Variants in KCNIP4 observed in about 807,000 individuals in gnomAD.
KCNIP4 encodes potassium voltage-gated channel interacting protein 4.
Under a neutral mutation model 34.0 loss-of-function variants are expected in KCNIP4, and 12 were observed. The ratio of observed to expected loss-of-function variants is 0.35; its 90% CI spans 0.23 to 0.57. KCNIP4 has a LOEUF of 0.57. Ranked by LOEUF, KCNIP4 falls within the 20% of genes least tolerant of loss-of-function variation. The probability of loss-of-function intolerance (pLI) is 0.83; values close to 1 mark genes in which losing one functional copy is unlikely to be tolerated. For missense variants in KCNIP4, 238 were observed against 311.7 expected (o/e 0.76, Z 1.78); for synonymous variants, 124 against 102.2 (o/e 1.21, Z -1.29).
chr4:20,931,116 T>C (rs750304207), intron 1 of KCNIP4, among the ~76,000 whole-genome samples: 2 of 151,710 alleles, frequency 1.3e-5, no homozygotes, highest in Non-Finnish European at 2.9e-5. Flanking sequence ...TTCACAATAG[T>C]CAACATATGG....
At chr4:20,869,139 G>T (rs1723166091) in intron 2 of KCNIP4, among the ~76,000 whole-genome samples, 1 of 152,096 alleles carries the variant, frequency 6.6e-6, no homozygotes, top group Admixed American at 6.6e-5. Flanking sequence ...GATAAGCATA[G>T]TTATAATAAA....
At chr4:21,512,867 T>C (rs748442734) in intron 1 of KCNIP4, among the ~76,000 whole-genome samples, 8 of 152,244 alleles carry the variant, frequency 5.3e-5, no homozygotes, top group South Asian at 2.1e-4. Flanking sequence ...GTCCAGTTAA[T>C]TGCAGCAAAC....
chr4:20,995,065 A>G (rs1306790793), intron 1 of KCNIP4, among the ~76,000 whole-genome samples: 2 of 152,142 alleles, frequency 1.3e-5, no homozygotes, highest in African/African-American at 4.8e-5. Context: ...GTTTACCTAT[A>G]TTTACACTTT....
intron 1 of KCNIP4, among the ~76,000 whole-genome samples, chr4:21,801,414 A>T (rs989213950): frequency 6.6e-6 from 1 of 152,022 alleles, no homozygotes; most frequent in Non-Finnish European, 1.5e-5. Context: ...AGGGAAAGGG[A>T]GTTAGATTGG....
At chr4:21,620,600 C>T (rs768040246) in intron 1 of KCNIP4, among the ~76,000 whole-genome samples, 2 of 152,052 alleles carry the variant, frequency 1.3e-5, no homozygotes, top group Non-Finnish European at 2.9e-5. Flanking sequence ...ATCCTGTTAA[C>T]TGAATAGAAA....
chr4:21,469,957 T>G (rs1460997103), intron 1 of KCNIP4, among the ~76,000 whole-genome samples: 1 of 152,218 alleles, frequency 6.6e-6, no homozygotes, highest in East Asian at 1.9e-4. Flanking sequence ...TTTGGGATGT[T>G]CATAATTTGT....
At position 21,715,332 on chromosome 4, in the gene KCNIP4, G is replaced by A. The variant is rs998420063; in HGVS notation, c.61+233239C>T. Among the ~76,000 whole-genome samples, 14 of 151,832 alleles carry A rather than the reference G, an allele frequency of 9.2e-5. 1 individual carries two copies. The highest frequency in any genetic ancestry group is 5.3e-4 in the Admixed American group (8 of 15,226). ...TTTTTAGTAGACACGGGGTTTCACCGTGTTGGCCAGGATGGTCTTGCTCTC... is the reference window on the plus strand; with the variant it reads ...TTTTTAGTAGACACGGGGTTTCACCATGTTGGCCAGGATGGTCTTGCTCTC... On this transcript the variant is annotated intron_variant, in intron 1 of 8. Transcript: ENST00000382152.
At chr4:21,479,851 C>T (rs1446118869) in intron 1 of KCNIP4, among the ~76,000 whole-genome samples, 5 of 151,406 alleles carry the variant, frequency 3.3e-5, no homozygotes, top group Non-Finnish European at 7.4e-5. Context: ...ATTTAAAAAG[C>T]CAGTTATTTG....
intron 1 of KCNIP4, among the ~76,000 whole-genome samples, chr4:21,880,304 A>G (rs1412111826): frequency 1.3e-5 from 2 of 152,180 alleles, no homozygotes; most frequent in African/African-American, 2.4e-5. Flanking sequence ...TATAATTATC[A>G]TGGTAAGCAA....
chr4:21,709,860 C>T (rs891186181), intron 1 of KCNIP4, among the ~76,000 whole-genome samples: 1 of 152,110 alleles, frequency 6.6e-6, no homozygotes, highest in Non-Finnish European at 1.5e-5. Flanking sequence ...TCCAGTGATG[C>T]TTTTATAACT....
chr4:21,618,630 C>CTTTTTTTTTTTTTTT (rs58967707), intron 1 of KCNIP4, among the ~76,000 whole-genome samples: 1 of 81,788 alleles, frequency 1.2e-5, no homozygotes, highest in African/African-American at 4.9e-5. Context: ...TTTTCTTTTT[C>CTTTTTTTTTTTTTTT]TTTTTTTTTT....
chr4:21,470,144 A>G (rs1336379220), intron 1 of KCNIP4, among the ~76,000 whole-genome samples: 1 of 152,182 alleles, frequency 6.6e-6, no homozygotes, highest in African/African-American at 2.4e-5. Context: ...CAGGGCCTTG[A>G]CATCGGGACA....
intron 1 of KCNIP4, among the ~76,000 whole-genome samples, chr4:21,376,232 T>G (rs1314237751): frequency 6.6e-6 from 1 of 152,224 alleles, no homozygotes; most frequent in African/African-American, 2.4e-5. Context: ...CAAAATTTTG[T>G]GAAACCTAAT....
At chr4:20,927,432 C>G (rs1215830585) in intron 1 of KCNIP4, among the ~76,000 whole-genome samples, 1 of 152,120 alleles carries the variant, frequency 6.6e-6, no homozygotes, top group African/African-American at 2.4e-5. Flanking sequence ...TTCTTAGCAG[C>G]TATAATAGTG....
chr4:21,193,345 C>T (rs1755816749), intron 1 of KCNIP4, among the ~76,000 whole-genome samples: 1 of 152,070 alleles, frequency 6.6e-6, no homozygotes, highest in Non-Finnish European at 1.5e-5. Flanking sequence ...GCTTGCAGAG[C>T]AATTCTTTAA....
chr4:21,192,952 C>CTACTACTAATAATAA (rs757200407), intron 1 of KCNIP4, among the ~76,000 whole-genome samples: 18 of 145,100 alleles, frequency 1.2e-4, no homozygotes, highest in Admixed American at 5.6e-4. Flanking sequence ...ACTACTACTA[C>CTACTACTAATAATAA]TAATAATAAT....
At chr4:21,901,158 G>A (rs551547257) in intron 1 of KCNIP4, among the ~76,000 whole-genome samples, 1 of 152,290 alleles carries the variant, frequency 6.6e-6, no homozygotes, top group Non-Finnish European at 1.5e-5. Flanking sequence ...TTAAAAAGCT[G>A]AGGATAAAAT....
intron 1 of KCNIP4, among the ~76,000 whole-genome samples, chr4:21,722,747 T>A (rs1003106880): frequency 6.6e-6 from 1 of 152,122 alleles, no homozygotes; most frequent in Admixed American, 6.6e-5. Context: ...TACAGCTTTG[T>A]GAGTCCTTGC....
At chr4:20,992,454 C>A (rs56271214) in intron 1 of KCNIP4, among the ~76,000 whole-genome samples, 20,297 of 152,116 alleles carry the variant, frequency 0.13, 1,383 homozygotes, top group African/African-American at 0.14. Flanking sequence ...GATTACAATT[C>A]AAGATGAGAT....
Sources: gnomAD v4.1 joint callset for allele counts (sites outside exome capture counted in the v4.1 genomes callset) on GRCh38, gnomAD v4.1.1 for gene constraint, MANE v1.5 for transcripts, NCBI Gene and HGNC (gene_info 2026-07-23, HGNC 2026-07-21) for gene names.